Variants in KCNMB2 observed in about 807,000 individuals in gnomAD.
The protein encoded by KCNMB2 is potassium calcium-activated channel subfamily M regulatory beta subunit 2, also known as calcium-activated potassium channel subunit beta-2.
In KCNMB2, 9 loss-of-function variants were observed where a neutral mutation model predicts 24.5. The observed-to-expected ratio is 0.37, with a 90% CI of 0.22 to 0.64. The LOEUF is 0.64. Among genes scored for constraint, KCNMB2 ranks in the 30% least tolerant of loss-of-function variants. KCNMB2 has a pLI of 0.63. For missense variants in KCNMB2, 226 were observed against 284.3 expected, an observed-to-expected ratio of 0.79 and a Z score of 1.47; for synonymous variants, 109 against 104.4, an observed-to-expected ratio of 1.04 and a Z score of -0.27.
At chr3:178,584,817 TC>T (rs1163059740) in intron 1 of KCNMB2, among the ~76,000 whole-genome samples, 3 of 152,156 alleles carry the variant, frequency 2.0e-5, no homozygotes, top group Non-Finnish European at 4.4e-5. Flanking sequence ...CCATTTAAAT[TC>T]ACTCTCTTGA....
At chr3:178,621,193 T>C (rs1429385244) in intron 1 of KCNMB2, among the ~76,000 whole-genome samples, 2 of 152,142 alleles carry the variant, frequency 1.3e-5, no homozygotes, top group South Asian at 2.1e-4. Context: ...ATTCACATGA[T>C]AGCAGTGGAA....
intron 1 of KCNMB2, among the ~76,000 whole-genome samples, chr3:178,647,914 T>C (rs1719973097): frequency 1.3e-5 from 2 of 152,174 alleles, no homozygotes; most frequent in Non-Finnish European, 2.9e-5. Context: ...GGTTATTACT[T>C]TCAAACATGA....
At chr3:178,617,289 T>C (rs992366631) in intron 1 of KCNMB2, among the ~76,000 whole-genome samples, 3 of 152,106 alleles carry the variant, frequency 2.0e-5, no homozygotes, top group Non-Finnish European at 4.4e-5. Flanking sequence ...CCAGGCGTGG[T>C]GGCTCACGCC....
chr3:178,831,927 C>T (rs1715070634), intron 4 of KCNMB2, among the ~76,000 whole-genome samples: 1 of 152,124 alleles, frequency 6.6e-6, no homozygotes, highest in Admixed American at 6.6e-5. Flanking sequence ...TAATCAAAGA[C>T]ACTGAAACAT....
intron 1 of KCNMB2, among the ~76,000 whole-genome samples, chr3:178,581,678 GAAC>G (rs1417122692): frequency 6.6e-6 from 1 of 151,566 alleles, no homozygotes; most frequent in Non-Finnish European, 1.5e-5. Flanking sequence ...CAAGAAAAAA[GAAC>G]AACGCCATCA....
At chr3:178,697,974 T>A (rs1036790826) in intron 1 of KCNMB2, among the ~76,000 whole-genome samples, 11 of 152,328 alleles carry the variant, frequency 7.2e-5, no homozygotes, top group African/African-American at 2.6e-4. Flanking sequence ...AGGTCTGCTG[T>A]TAGTCTGATG....
At chr3:178,701,431 G>C (rs1276226138) in intron 1 of KCNMB2, among the ~76,000 whole-genome samples, 1 of 152,160 alleles carries the variant, frequency 6.6e-6, no homozygotes, top group African/African-American at 2.4e-5. Context: ...GATTGACTTG[G>C]CAATGAGGGC....
chr3:178,607,660 C>G (rs938247204), intron 1 of KCNMB2, among the ~76,000 whole-genome samples: 1 of 151,328 alleles, frequency 6.6e-6, no homozygotes, highest in African/African-American at 2.4e-5. Flanking sequence ...TGTATGTGTG[C>G]ATAAACACAT....
chr3:178,661,981 C>G (rs910862004), intron 1 of KCNMB2, among the ~76,000 whole-genome samples: 1 of 152,048 alleles, frequency 6.6e-6, no homozygotes, highest in African/African-American at 2.4e-5. Flanking sequence ...TTAGATGAAT[C>G]AAGGAGACAA....
At chr3:178,834,872 T>G (rs1388844883) in intron 4 of KCNMB2, among the ~76,000 whole-genome samples, 1 of 151,892 alleles carries the variant, frequency 6.6e-6, no homozygotes, top group Non-Finnish European at 1.5e-5. Flanking sequence ...AAAGAAAGAA[T>G]GTGCCAGAAA....
At chr3:178,626,914 TA>T (rs1455733820) in intron 1 of KCNMB2, among the ~76,000 whole-genome samples, 2 of 148,866 alleles carry the variant, frequency 1.3e-5, no homozygotes, top group African/African-American at 4.9e-5. Flanking sequence ...TATATATAAG[TA>T]TATATATAAC....
chr3:178,604,181 C>A (rs1457785925), intron 1 of KCNMB2, among the ~76,000 whole-genome samples: 1 of 152,092 alleles, frequency 6.6e-6, no homozygotes, highest in African/African-American at 2.4e-5. Flanking sequence ...CTGTTCCTTG[C>A]TAAATAAGCA....
chr3:178,721,067 G>A (rs1156885219), intron 1 of KCNMB2, among the ~76,000 whole-genome samples: 1 of 152,066 alleles, frequency 6.6e-6, no homozygotes, highest in Non-Finnish European at 1.5e-5. Context: ...TGTCCTGAAT[G>A]GTAATGCCTA....
Position 178,843,059 on chromosome 3 carries a change from TG to T in KCNMB2, c.*123del, listed in dbSNP as rs1715485521. 1 of 775,108 alleles carries T rather than the reference TG, an allele frequency of 1.3e-6. No individual in the cohort carries two copies. The highest frequency in any genetic ancestry group is 2.1e-6 in the Non-Finnish European group (1 of 474,574). 48.0% of individuals were successfully genotyped at this position (775,108 alleles called of 1,614,324 possible). On this transcript the variant is annotated 3_prime_UTR_variant, in exon 5 of 5. Coordinates refer to ENST00000452583, the MANE Select transcript of KCNMB2 (RefSeq NM_181361.3). The stretch of plus-strand genomic sequence containing the variant: ...ATGAGTTCCCTAATATATTCTTATA[TG>T]TAGAGCAATAATGCAAAAGCTGTTC...
At chr3:178,734,413 T>TA (rs1723252455) in intron 1 of KCNMB2, among the ~76,000 whole-genome samples, 1 of 152,166 alleles carries the variant, frequency 6.6e-6, no homozygotes, top group Non-Finnish European at 1.5e-5. Flanking sequence ...TTCACTAAAA[T>TA]AAAAACACCA....
intron 1 of KCNMB2, among the ~76,000 whole-genome samples, chr3:178,796,960 G>T (rs1458646235): frequency 6.6e-6 from 1 of 151,832 alleles, no homozygotes; most frequent in Non-Finnish European, 1.5e-5. Flanking sequence ...ACAAAAAGTT[G>T]GTTTTTTGAA....
chr3:178,696,012 A>G (rs1470405665), intron 1 of KCNMB2, among the ~76,000 whole-genome samples: 2 of 152,198 alleles, frequency 1.3e-5, no homozygotes, highest in Non-Finnish European at 2.9e-5. Flanking sequence ...CATTTATAAG[A>G]TAAGAGGTTT....
chr3:178,744,368 G>A (rs751329012), intron 1 of KCNMB2, among the ~76,000 whole-genome samples: 1 of 152,134 alleles, frequency 6.6e-6, no homozygotes, highest in Admixed American at 6.5e-5. Context: ...CTATAACTAT[G>A]TAGACTAGTG....
chr3:178,706,511 A>G (rs748755976), intron 1 of KCNMB2, among the ~76,000 whole-genome samples: 4 of 152,054 alleles, frequency 2.6e-5, no homozygotes, highest in Non-Finnish European at 5.9e-5. Context: ...ACTAGACACA[A>G]TATCTGGCCT....
Sources: allele counts gnomAD v4.1 joint callset (sites outside exome capture counted in the v4.1 genomes callset), GRCh38; gene constraint gnomAD v4.1.1; transcripts MANE v1.5; gene names NCBI Gene and HGNC (gene_info 2026-07-23, HGNC 2026-07-21).